FREM1: variants seen among roughly 807,000 people sequenced by gnomAD.
FREM1 encodes the protein FRAS1-related extracellular matrix protein 1.
Under a neutral mutation model 210.1 loss-of-function variants are expected in FREM1, and 220 were observed. The ratio of observed to expected loss-of-function variants is 1.05; its 90% CI spans 0.94 to 1.17. The LOEUF (loss-of-function observed/expected upper bound fraction) is 1.17, where lower values mean the gene tolerates loss of function less well. Among genes scored for constraint, FREM1 ranks in the 50% most tolerant of loss-of-function variants. FREM1 has a pLI of 0.00. For missense variants in FREM1, 3,454 were observed against 2,675.5 expected, an observed-to-expected ratio of 1.29 and a Z score of -6.42; for synonymous variants, 1,189 against 980.2, an observed-to-expected ratio of 1.21 and a Z score of -3.98.
At chr9:14,823,938 A>T in intron 12 of FREM1, 87 bp downstream of exon 12, 1 of 660,116 alleles carries the variant, frequency 1.5e-6, no homozygotes, top group South Asian at 3.6e-5. Context: ...TCAAAGACCA[A>T]CATTCTCAGG....
chr9:14,788,980 C>G lies in FREM1; in HGVS notation c.4116G>C (p.Trp1372Cys). 1 of 1,613,020 alleles carries G rather than the reference C, an allele frequency of 6.2e-7. No homozygotes were observed. Among genetic ancestry groups the G allele is most frequent in the Non-Finnish European group, 8.5e-7 (1 of 1,179,572 alleles). Reference sequence around the variant, plus strand: ...GAGCAGGGGACCTGTTGTTGCCATCCCAAAGGTAGAAGGTGAAGCTATCTT... The same window carrying G: ...GAGCAGGGGACCTGTTGTTGCCATCGCAAAGGTAGAAGGTGAAGCTATCTT... The part of the protein sequence containing the change: ...QNQDSFTFYL[W>C]DGNNRSPALD... The change falls in exon 23 of 37, where the codon TGG becomes TGC. Residue 1372 changes from tryptophan to cysteine, a missense_variant. Trp to Cys is a radical substitution (Grantham distance 215, BLOSUM62 -2). Coordinates refer to ENST00000380880, the MANE Select transcript of FREM1 (RefSeq NM_001379081.2).
intron 26 of FREM1, among the ~76,000 whole-genome samples, chr9:14,770,331 T>C (rs150500999): frequency 6.6e-6 from 1 of 152,174 alleles, no homozygotes; most frequent in African/African-American, 2.4e-5. Flanking sequence ...GGTCCTGATA[T>C]TATGTTCCTT....
chr9:14,822,898 G>A (rs1402559241), intron 13 of FREM1, among the ~76,000 whole-genome samples: 2 of 152,166 alleles, frequency 1.3e-5, no homozygotes, highest in African/African-American at 2.4e-5. Context: ...AGAAGAGGAA[G>A]TGAAAAAGAA....
At chr9:14,791,086 A>G (rs1389716048) in intron 22 of FREM1, 1 of 152,186 alleles carries the variant, frequency 6.6e-6, no homozygotes, top group African/African-American at 2.4e-5. Flanking sequence ...AATAATTGCA[A>G]TGGGGATGGT....
chr9:14,825,235 C>T (rs1421695400), intron 10 of FREM1, among the ~76,000 whole-genome samples: 1 of 151,914 alleles, frequency 6.6e-6, no homozygotes, highest in Non-Finnish European at 1.5e-5. Flanking sequence ...CCCCTGTAAT[C>T]TCAGCACTTT....
At chr9:14,803,057 TTTC>T (rs1314619555) in intron 19 of FREM1, among the ~76,000 whole-genome samples, 3 of 127,366 alleles carry the variant, frequency 2.4e-5, no homozygotes, top group Non-Finnish European at 4.8e-5. Flanking sequence ...TCTCTTTCTT[TTTC>T]TTTTCTTTCT....
intron 15 of FREM1, among the ~76,000 whole-genome samples, chr9:14,813,984 C>G (rs1874106): frequency 1.3e-5 from 2 of 152,136 alleles, no homozygotes; most frequent in Non-Finnish European, 2.9e-5. Context: ...TTATCCCATG[C>G]TATGGGGTGC....
intron 29 of FREM1, among the ~76,000 whole-genome samples, chr9:14,752,349 G>A (rs1784563734): frequency 6.6e-6 from 1 of 152,184 alleles, no homozygotes. Context: ...TAGCAAAGCA[G>A]AGGTCTTGAC....
At chr9:14,820,530 C>G (rs1394577997) in intron 13 of FREM1, among the ~76,000 whole-genome samples, 1 of 152,202 alleles carries the variant, frequency 6.6e-6, no homozygotes, top group Non-Finnish European at 1.5e-5. Flanking sequence ...GGGAAGGAAG[C>G]AAGTGAAGCT....
At chr9:14,810,497 G>A (rs1020744234) in intron 16 of FREM1, among the ~76,000 whole-genome samples, 1 of 152,152 alleles carries the variant, frequency 6.6e-6, no homozygotes, top group Admixed American at 6.5e-5. Context: ...TGCTGCCCAG[G>A]TTGGAGTGCA....
intron 16 of FREM1, among the ~76,000 whole-genome samples, chr9:14,809,616 G>C (rs539303819): frequency 4.1e-4 from 62 of 152,294 alleles, no homozygotes; most frequent in Admixed American, 9.1e-4. Flanking sequence ...TCAAAAATAA[G>C]AGACCTCTCA....
chr9:14,772,550 G>A (rs908508213), intron 25 of FREM1, among the ~76,000 whole-genome samples: 1 of 152,122 alleles, frequency 6.6e-6, no homozygotes, highest in East Asian at 1.9e-4. Flanking sequence ...TGAGTGGTAT[G>A]GTTGTCAAGA....
intron 25 of FREM1, among the ~76,000 whole-genome samples, chr9:14,772,095 G>T (rs1194912414): frequency 6.6e-6 from 1 of 150,956 alleles, no homozygotes. Context: ...CTCTCAAATT[G>T]GCAAGATTCT....
chr9:14,879,037 A>G (rs2132092909), intron 1 of FREM1, among the ~76,000 whole-genome samples: 1 of 151,796 alleles, frequency 6.6e-6, no homozygotes, highest in East Asian at 1.9e-4. Flanking sequence ...GGCGCCTGTA[A>G]TCTGAGCTAC....
At position 14,748,649 on chromosome 9, in the gene FREM1, T is replaced by A; in HGVS notation, c.5558-10A>T. On this transcript the variant is annotated splice_polypyrimidine_tract_variant and intron_variant, in intron 30 of 36. Coordinates refer to ENST00000380880, the MANE Select transcript of FREM1 (RefSeq NM_001379081.2). ...GAAGGATGGCATTGTCCTGGAGGCA[T>A]GCAAGATGGCAGGCGGTCAGTTCAT... The A allele has an allele frequency of 6.4e-7, 1 of 1,571,380 alleles. No individual in the cohort carries two copies. The highest frequency in any genetic ancestry group is 8.7e-7 in the Non-Finnish European group (1 of 1,145,290).
At chr9:14,900,475 A>T (rs1251203694) in intron 1 of FREM1, among the ~76,000 whole-genome samples, 1 of 152,214 alleles carries the variant, frequency 6.6e-6, no homozygotes, top group African/African-American at 2.4e-5. Context: ...TAAGTCTCTT[A>T]GTCAGGGTGG....
At chr9:14,773,931 C>A in intron 25 of FREM1, 1 of 377,888 alleles carries the variant, frequency 2.6e-6, no homozygotes, top group South Asian at 2.0e-5. Context: ...AGTACAGAGA[C>A]TGGTATCAAC....
intron 1 of FREM1, among the ~76,000 whole-genome samples, chr9:14,894,557 C>T (rs1202295375): frequency 6.6e-6 from 1 of 152,194 alleles, no homozygotes; most frequent in South Asian, 2.1e-4. Context: ...AAATATCAAG[C>T]AGGACAGGAG....
intron 1 of FREM1, among the ~76,000 whole-genome samples, chr9:14,900,648 G>A (rs1295276215): frequency 6.6e-6 from 1 of 152,176 alleles, no homozygotes; most frequent in Non-Finnish European, 1.5e-5. Context: ...ACAAGGTAAA[G>A]AAAGACAGGA....
Sources: allele counts gnomAD v4.1 joint callset (sites outside exome capture counted in the v4.1 genomes callset), GRCh38; gene constraint gnomAD v4.1.1; transcripts MANE v1.5; gene names NCBI Gene and HGNC (gene_info 2026-07-23, HGNC 2026-07-21).